The following NALF1 variants were observed in gnomAD, a reference collection of about 807,000 sequenced individuals.
NALF1 encodes family with sequence similarity 155 member A.
Under a neutral mutation model 48.4 loss-of-function variants are expected in NALF1, and 3 were observed. That is an observed-to-expected ratio of 0.06 (90% CI 0.03 to 0.16). NALF1 has a LOEUF of 0.16. Among genes scored for constraint, NALF1 ranks in the 10% least tolerant of loss-of-function variants. NALF1 has a pLI of 1.00. For missense variants in NALF1, 526 were observed against 571.5 expected, an observed-to-expected ratio of 0.92 and a Z score of 0.81; for synonymous variants, 262 against 245.7, an observed-to-expected ratio of 1.07 and a Z score of -0.62.
intron 1 of NALF1, among the ~76,000 whole-genome samples, chr13:107,808,478 C>T (rs1489419349): frequency 6.6e-6 from 1 of 152,052 alleles, no homozygotes; most frequent in Non-Finnish European, 1.5e-5. Context: ...CTCCTGACTT[C>T]CTGCACAACA....
chr13:107,602,438 C>T (rs1253673180), intron 1 of NALF1, among the ~76,000 whole-genome samples: 1 of 152,152 alleles, frequency 6.6e-6, no homozygotes, highest in Non-Finnish European at 1.5e-5. Flanking sequence ...GGCCCAGTCA[C>T]TCAACCTCCC....
chr13:107,363,462 G>A lies in NALF1; in HGVS notation c.916-152707C>T, dbSNP rs1883100642. The stretch of plus-strand genomic sequence containing the variant: ...AAAAGTAAAAAGATTATTGGGGCAT[G>A]GTGGCACACGCCTATAGTCCCAGCT... On this transcript the variant is annotated intron_variant, in intron 1 of 2. Transcript: ENST00000375915. Among the ~76,000 whole-genome samples the A allele has an allele frequency of 2.0e-5, 3 of 152,154 alleles. No homozygotes were observed. The South Asian group carries it at 6.2e-4, about 31-fold the overall frequency.
intron 1 of NALF1, among the ~76,000 whole-genome samples, chr13:107,467,536 A>G (rs768688556): frequency 2.0e-5 from 3 of 152,230 alleles, no homozygotes; most frequent in Non-Finnish European, 4.4e-5. Context: ...GAGTGTTGCC[A>G]TAAAGTCAAG....
Position 107,826,484 on chromosome 13 carries a change from A to G in NALF1, c.915+39198T>C, listed in dbSNP as rs148940032. ...GAAAGAGCGGGAAAAGGCATCATGT[A>G]TAACAGTCCAGTATGAAGAGGAAGA... On this transcript the variant is annotated intron_variant, in intron 1 of 2. Coordinates refer to ENST00000375915, the MANE Select transcript of NALF1 (RefSeq NM_001080396.3). Among the ~76,000 whole-genome samples the G allele has an allele frequency of 5.9e-5, 9 of 152,374 alleles. No individual in the cohort carries two copies. In the East Asian group the frequency reaches 1.5e-3, roughly 26 times the overall value.
intron 1 of NALF1, among the ~76,000 whole-genome samples, chr13:107,431,384 C>T (rs1346689469): frequency 6.6e-6 from 1 of 152,198 alleles, no homozygotes; most frequent in Non-Finnish European, 1.5e-5. Flanking sequence ...CCTAAACACA[C>T]ACACACACAT....
chr13:107,464,447 T>C (rs1884967254), intron 1 of NALF1, among the ~76,000 whole-genome samples: 1 of 152,220 alleles, frequency 6.6e-6, no homozygotes, highest in African/African-American at 2.4e-5. Flanking sequence ...TCTCAATTAC[T>C]GTACGACTTT....
chr13:107,679,469 C>A lies in NALF1; in HGVS notation c.915+186213G>T, dbSNP rs117416683. ...AGGGAGGGGTAGTTACAGAGCCAGC[C>A]CTCACTGTGCAAGTGACTTTTATGC... On this transcript the variant is annotated intron_variant, in intron 1 of 2. Coordinates refer to ENST00000375915, the MANE Select transcript of NALF1 (RefSeq NM_001080396.3). Among the ~76,000 whole-genome samples, 1,000 of 152,224 alleles carry A rather than the reference C, an allele frequency of 6.6e-3. 6 individuals are homozygous for A. The highest frequency in any genetic ancestry group is 0.011 in the Non-Finnish European group (756 of 68,014).
At chr13:107,651,977 C>T (rs1054456714) in intron 1 of NALF1, among the ~76,000 whole-genome samples, 1 of 152,130 alleles carries the variant, frequency 6.6e-6, no homozygotes, top group African/African-American at 2.4e-5. Flanking sequence ...AATGTGAGAT[C>T]ATAAACTAGA....
intron 1 of NALF1, among the ~76,000 whole-genome samples, chr13:107,220,985 A>G (rs756415865): frequency 9.9e-5 from 15 of 152,150 alleles, no homozygotes; most frequent in Non-Finnish European, 2.2e-4. Context: ...AAAAAGAACA[A>G]AATTTCTTTT....
intron 1 of NALF1, among the ~76,000 whole-genome samples, chr13:107,513,370 G>A (rs927545211): frequency 2.0e-5 from 3 of 152,030 alleles, no homozygotes; most frequent in African/African-American, 7.2e-5. Flanking sequence ...TTTTTGTGTT[G>A]TTCTTATGCT....
At chr13:107,313,597 A>T (rs1208419465) in intron 1 of NALF1, among the ~76,000 whole-genome samples, 4 of 152,188 alleles carry the variant, frequency 2.6e-5, no homozygotes, top group African/African-American at 9.6e-5. Flanking sequence ...GAAAAAGGAC[A>T]GAACTCAAAG....
chr13:107,601,436 C>A (rs1384868893), intron 1 of NALF1, among the ~76,000 whole-genome samples: 1 of 152,184 alleles, frequency 6.6e-6, no homozygotes, highest in African/African-American at 2.4e-5. Context: ...TTCCTATCAA[C>A]ACTACTTTCC....
chr13:107,478,391 AT>A (rs1462333359), intron 1 of NALF1, among the ~76,000 whole-genome samples: 14 of 152,150 alleles, frequency 9.2e-5, no homozygotes, highest in African/African-American at 3.4e-4. Flanking sequence ...GTTAGTTAAC[AT>A]TTTAAAACGA....
chr13:107,576,840 A>G (rs996437839), intron 1 of NALF1, among the ~76,000 whole-genome samples: 2 of 152,200 alleles, frequency 1.3e-5, no homozygotes, highest in African/African-American at 4.8e-5. Flanking sequence ...TCGTAGTCTC[A>G]GTGTAGGATT....
chr13:107,445,295 TTTG>T (rs552977431), intron 1 of NALF1, among the ~76,000 whole-genome samples: 21 of 152,302 alleles, frequency 1.4e-4, no homozygotes, highest in African/African-American at 5.1e-4. Flanking sequence ...GTTTTCTAAT[TTTG>T]TTGTTTAATG....
intron 1 of NALF1, among the ~76,000 whole-genome samples, chr13:107,510,824 A>C (rs924202507): frequency 5.3e-5 from 8 of 152,290 alleles, no homozygotes; most frequent in African/African-American, 1.9e-4. Flanking sequence ...AATGGTCAAA[A>C]TTCTCTCCAT....
At chr13:107,477,339 T>G (rs1180481071) in intron 1 of NALF1, among the ~76,000 whole-genome samples, 1 of 152,154 alleles carries the variant, frequency 6.6e-6, no homozygotes, top group Non-Finnish European at 1.5e-5. Context: ...CAAATTGCTC[T>G]TTTATAGAAC....
intron 1 of NALF1, among the ~76,000 whole-genome samples, chr13:107,538,817 T>A (rs1050307345): frequency 6.6e-6 from 1 of 152,156 alleles, no homozygotes; most frequent in Non-Finnish European, 1.5e-5. Flanking sequence ...TTAAGAATTA[T>A]AATAGATAAT....
At chr13:107,331,562 T>A (rs193152319) in intron 1 of NALF1, among the ~76,000 whole-genome samples, 1 of 152,288 alleles carries the variant, frequency 6.6e-6, no homozygotes, top group East Asian at 1.9e-4. Flanking sequence ...GCAATTACTT[T>A]TGCACCAATC....
Sources: gnomAD v4.1 joint callset for allele counts (sites outside exome capture counted in the v4.1 genomes callset) on GRCh38, gnomAD v4.1.1 for gene constraint, MANE v1.5 for transcripts, NCBI Gene and HGNC (gene_info 2026-07-23, HGNC 2026-07-21) for gene names.